Variants in ROR1 observed in about 807,000 individuals in gnomAD.
The protein encoded by ROR1 is ROR family WNT receptor 1, also known as inactive tyrosine-protein kinase transmembrane receptor ROR1.
Under a neutral mutation model 78.8 loss-of-function variants are expected in ROR1, and 19 were observed. The observed-to-expected ratio is 0.24, with a 90% CI of 0.17 to 0.35. The LOEUF is 0.35. Among genes scored for constraint, ROR1 ranks in the 10% least tolerant of loss-of-function variants. The pLI, the probability that ROR1 is intolerant of heterozygous loss-of-function variation, is 1.00. For missense variants in ROR1, 917 were observed against 1,177.8 expected, an observed-to-expected ratio of 0.78 and a Z score of 3.24; for synonymous variants, 386 against 433.6, an observed-to-expected ratio of 0.89 and a Z score of 1.36.
Position 63,824,197 on chromosome 1 carries a change from A to G in ROR1, c.91+49689A>G, listed in dbSNP as rs377457313. Among the ~76,000 whole-genome samples, 4 of 152,208 alleles carry G rather than the reference A, an allele frequency of 2.6e-5. No homozygotes were observed. The East Asian group carries it at 7.7e-4, about 29-fold the overall frequency. ...GTGCACCCAGCAGGGTTGGGTAGAC[A>G]GAAATCAACAAATGTTTTCTGTAAA... is the stretch of plus-strand genomic sequence containing the variant. On this transcript the variant is annotated intron_variant, in intron 1 of 8. Transcript: ENST00000371079.
intron 1 of ROR1, among the ~76,000 whole-genome samples, chr1:63,857,846 C>G (rs1452042842): frequency 5.3e-5 from 8 of 152,194 alleles, no homozygotes; most frequent in Admixed American, 4.6e-4. Flanking sequence ...AGCCCCACCT[C>G]CAAGTCCCCA....
chr1:64,177,721 C>T lies in ROR1; in HGVS notation c.1680C>T (p.Leu560=). 1 of 1,614,176 alleles carries T rather than the reference C, an allele frequency of 6.2e-7. No individual in the cohort carries two copies. Among genetic ancestry groups the T allele is most frequent in the Non-Finnish European group, 8.5e-7 (1 of 1,180,030 alleles). Residue 560 remains leucine (L), a synonymous_variant, in exon 9 of 9, where the codon CTC becomes CTT. Coordinates refer to ENST00000371079, the MANE Select transcript of ROR1 (RefSeq NM_005012.4). ...TTGAGTATATTAATCAGGGGGATCT[C>T]CATGAGTTCCTCATCATGAGATCCC... ...MLFEYINQGD[L]HEFLIMRSPH...
chr1:64,062,138 C>T (rs1646922201), intron 4 of ROR1, among the ~76,000 whole-genome samples: 1 of 152,170 alleles, frequency 6.6e-6, no homozygotes, highest in Admixed American at 6.5e-5. Flanking sequence ...CTCTACTTGC[C>T]TCCTGTTGAA....
At chr1:64,044,548 A>G (rs1392049171) in intron 2 of ROR1, among the ~76,000 whole-genome samples, 1 of 152,220 alleles carries the variant, frequency 6.6e-6, no homozygotes, top group Non-Finnish European at 1.5e-5. Context: ...TAATTGTATT[A>G]AATCTTGACC....
rs1649360159 is a variant in ROR1, at chr1:64,142,731, A to G, written c.1174+81A>G. ...TACCCCTCTTATTTAGGAGAATCCTATAAGGGGGGCAAAGAAAATGGACAG... is the reference window on the plus strand; with the variant it reads ...TACCCCTCTTATTTAGGAGAATCCTGTAAGGGGGGCAAAGAAAATGGACAG... On this transcript the variant is annotated intron_variant, in intron 7 of 8. Transcript: ENST00000371079. The G allele has an allele frequency of 3.2e-6, 5 of 1,565,872 alleles. No homozygotes were observed. In the East Asian group the frequency reaches 9.1e-5, roughly 28 times the overall value.
intron 1 of ROR1, among the ~76,000 whole-genome samples, chr1:63,909,941 C>T (rs1159028050): frequency 6.6e-6 from 1 of 152,182 alleles, no homozygotes; most frequent in African/African-American, 2.4e-5. Flanking sequence ...TTACACTGTG[C>T]TTCCTGGCCT....
intron 4 of ROR1, among the ~76,000 whole-genome samples, chr1:64,061,616 G>A (rs1646917719): frequency 6.6e-6 from 1 of 152,188 alleles, no homozygotes; most frequent in South Asian, 2.1e-4. Context: ...GGGGGTGCTG[G>A]TGCTGCTGGT....
intron 1 of ROR1, among the ~76,000 whole-genome samples, chr1:63,886,325 T>C (rs1645357051): frequency 6.6e-6 from 1 of 152,220 alleles, no homozygotes; most frequent in Admixed American, 6.5e-5. Flanking sequence ...ACCCCTGTGT[T>C]AGACCATTTC....
rs960025132 is a variant in ROR1 at position 63,843,491 on chromosome 1, G to A, written c.91+68983G>A. 57 of 756,772 alleles carry A rather than the reference G, an allele frequency of 7.5e-5. No individual in the cohort carries two copies. The African/African-American group carries it at 8.6e-4, about 11-fold the overall frequency. The allele number at this position is 756,772 out of a possible 1,614,324, so 46.9% of individuals were successfully genotyped here. On this transcript the variant is annotated intron_variant, in intron 1 of 8. Coordinates refer to ENST00000371079, the MANE Select transcript of ROR1 (RefSeq NM_005012.4). ...GCATCCTGACAAAGGTGGTGTAGGG[G>A]TCGTCGATGGTCTGGCTCACATCGC...
At chr1:64,143,964 T>G (rs1649409370) in intron 7 of ROR1, among the ~76,000 whole-genome samples, 1 of 152,080 alleles carries the variant, frequency 6.6e-6, no homozygotes, top group Admixed American at 6.5e-5. Flanking sequence ...GTGGGAAGGA[T>G]GCAAGAGCAA....
chr1:63,910,909 G>T (rs1272981020), intron 1 of ROR1, among the ~76,000 whole-genome samples: 1 of 152,190 alleles, frequency 6.6e-6, no homozygotes, highest in African/African-American at 2.4e-5. Context: ...CTTCTCACCA[G>T]CCCTGGGCTG....
intron 1 of ROR1, among the ~76,000 whole-genome samples, chr1:63,916,080 TC>T (rs1201058285): frequency 1.7e-4 from 26 of 152,320 alleles, no homozygotes; most frequent in African/African-American, 6.3e-4. Flanking sequence ...TTTATGCTAC[TC>T]CCAAAGCTTA....
rs1557533444 is a variant in ROR1 at position 63,863,783 on chromosome 1, ATTGTATTGTATTGTATTGTAT to A, written c.91+89276_91+89296del. On this transcript the variant is annotated intron_variant, in intron 1 of 8. Transcript: ENST00000371079. ...ATTGTATTGTATTGTATTGTATTGT[ATTGTATTGTATTGTATTGTAT>A]CATAGATGGCGATACTTGTTCAGTT... is the stretch of plus-strand genomic sequence containing the variant. Among the ~76,000 whole-genome samples the A allele has an allele frequency of 5.1e-3, 767 of 149,828 alleles. 7 individuals carry two copies. Among genetic ancestry groups the A allele is most frequent in the African/African-American group, 0.017 (667 of 39,872 alleles).
chr1:64,020,250 C>A lies in ROR1; in HGVS notation c.163+10874C>A, dbSNP rs184657819. Reference sequence around the variant, plus strand: ...AGAGAGATTTAAGCAACTTGCCCTACGTCACAAAGCAGTGAACCCAGAATT... The same window carrying A: ...AGAGAGATTTAAGCAACTTGCCCTAAGTCACAAAGCAGTGAACCCAGAATT... On this transcript the variant is annotated intron_variant, in intron 2 of 8. Transcript: ENST00000371079. Among the ~76,000 whole-genome samples, 410 of 152,294 alleles carry A rather than the reference C, an allele frequency of 2.7e-3. 1 individual carries two copies. The highest frequency in any genetic ancestry group is 9.3e-3 in the African/African-American group (388 of 41,562).
chr1:63,995,329 G>C (rs1359025070), intron 1 of ROR1, among the ~76,000 whole-genome samples: 1 of 152,170 alleles, frequency 6.6e-6, no homozygotes, highest in Non-Finnish European at 1.5e-5. Context: ...TTTTGGATGT[G>C]AGAATATCAT....
intron 1 of ROR1, among the ~76,000 whole-genome samples, chr1:63,971,701 C>A (rs1318179659): frequency 6.6e-6 from 1 of 152,176 alleles, no homozygotes; most frequent in Non-Finnish European, 1.5e-5. Flanking sequence ...TGTCTACAAT[C>A]TAATGGGGAT....
chr1:63,905,840 T>A (rs1352961235), intron 1 of ROR1, among the ~76,000 whole-genome samples: 1 of 152,018 alleles, frequency 6.6e-6, no homozygotes, highest in Admixed American at 6.5e-5. Context: ...AATGCGAAAA[T>A]TTTGCTGTAA....
At chr1:63,997,517 C>T (rs1646346795) in intron 1 of ROR1, among the ~76,000 whole-genome samples, 4 of 152,144 alleles carry the variant, frequency 2.6e-5, no homozygotes, top group Admixed American at 2.6e-4. Flanking sequence ...GCAAAAGTAA[C>T]ATTTTAATTG....
chr1:64,053,940 T>TTTTTA, intron 4 of ROR1, among the ~76,000 whole-genome samples: 1 of 144,436 alleles, frequency 6.9e-6, no homozygotes, highest in African/African-American at 2.9e-5. Flanking sequence ...TTTGTTTTTC[T>TTTTTA]TTTTGTTTTA....
Sources: gnomAD v4.1 joint callset for allele counts (sites outside exome capture counted in the v4.1 genomes callset) on GRCh38, gnomAD v4.1.1 for gene constraint, MANE v1.5 for transcripts, NCBI Gene and HGNC (gene_info 2026-07-23, HGNC 2026-07-21) for gene names.